IL17RC: variants seen among roughly 807,000 people sequenced by gnomAD.
IL17RC encodes the protein interleukin-17 receptor C.
In IL17RC, 53 loss-of-function variants were observed where a neutral mutation model predicts 86.7. The observed-to-expected ratio is 0.61, with a 90% CI of 0.49 to 0.77. The LOEUF (loss-of-function observed/expected upper bound fraction) is 0.77. IL17RC is among the 30% of genes least tolerant of loss of function. The probability of loss-of-function intolerance (pLI) is 0.00; values close to 1 mark genes in which losing one functional copy is unlikely to be tolerated. For missense variants in IL17RC, 957 were observed against 940.0 expected (o/e 1.02, Z -0.24); for synonymous variants, 439 against 413.1 (o/e 1.06, Z -0.76).
chr3:9,932,204 G>A (rs1024708161), intron 16 of IL17RC, among the ~76,000 whole-genome samples: 5 of 152,074 alleles, frequency 3.3e-5, no homozygotes, highest in African/African-American at 7.2e-5. Flanking sequence ...TGGACTCTGG[G>A]CAAATCATTT....
At chr3:9,931,652 G>A (rs921386767) in intron 16 of IL17RC, among the ~76,000 whole-genome samples, 4 of 151,442 alleles carry the variant, frequency 2.6e-5, no homozygotes, top group Non-Finnish European at 5.9e-5. Flanking sequence ...ATTAATAGGC[G>A]CCTGCCACCA....
At chr3:9,932,500 A>C in intron 16 of IL17RC, 108 bp from the exon 17 acceptor site, 1 of 995,024 alleles carries the variant, frequency 1.0e-6, no homozygotes, top group Non-Finnish European at 1.6e-6. Flanking sequence ...TGCTGGGATT[A>C]TATAAAGGCA....
At chr3:9,921,891 C>T (rs1254253795) in intron 7 of IL17RC, among the ~76,000 whole-genome samples, 21 of 149,182 alleles carry the variant, frequency 1.4e-4, no homozygotes, top group African/African-American at 4.5e-4. Context: ...TCCCAAAGTG[C>T]TGGGATTACA....
At position 9,933,481 on chromosome 3, in the gene IL17RC, T is replaced by C; in HGVS notation, c.2051T>C (p.Val684Ala). The change falls in exon 19 of 19, where the codon GTG (valine) becomes GCG (alanine). Residue 684 changes from valine (V) to alanine (A), a missense_variant. Val to Ala is a moderately conservative substitution (Grantham distance 64, BLOSUM62 0). Transcript: ENST00000403601. ...CGGCTCCAAGAGAGAGCGGAGCAAG[T>C]GTCCCGGGCCCTTCAGCCAGCCCTG... ...SGRLQERAEQ[V>A]SRALQPALDS... is the part of the protein sequence containing the mutation. 1 of 1,612,360 alleles carries C rather than the reference T, an allele frequency of 6.2e-7. No individual in the cohort carries two copies. Among genetic ancestry groups the C allele is most frequent in the South Asian group, 1.1e-5 (1 of 90,872 alleles).
intron 6 of IL17RC, 106 bp downstream of exon 6, chr3:9,920,708 G>A: frequency 1.2e-6 from 1 of 848,346 alleles, no homozygotes; most frequent in Non-Finnish European, 1.9e-6. Context: ...GCAGGGGTCT[G>A]AGCTGCTATC....
rs756459567 is a variant in IL17RC, at chr3:9,918,041, C to G, written c.246C>G (p.Leu82=). 1.4e-5 allele frequency: 22 copies of G among 1,600,628 alleles called. No homozygotes were observed. In the South Asian group the frequency reaches 2.5e-4, roughly 18 times the overall value. ...LRCQKETDCD[L]CLRVAVHLAV... ...GCCAGAAGGAGACCGACTGTGACCT[C>G]TGTCTGCGTGTGGCTGTCCACTTGG... Residue 82 remains leucine, a synonymous_variant, in exon 3 of 19, where the codon CTC becomes CTG. Coordinates refer to ENST00000403601, the MANE Select transcript of IL17RC (RefSeq NM_153460.4).
chr3:9,920,910 G>T lies in IL17RC; in HGVS notation c.578-15G>T. On this transcript the variant is annotated splice_polypyrimidine_tract_variant and intron_variant, in intron 6 of 18. Transcript: ENST00000403601. ...CCCCAGCCCCACTGGAGGCTCTTCT[G>T]TGATCTCTCCTCAGACTGCAGGGGG... 1.2e-6 allele frequency: 2 copies of T among 1,607,962 alleles called. No individual in the cohort carries two copies. Among genetic ancestry groups the T allele is most frequent in the Non-Finnish European group, 1.7e-6 (2 of 1,178,038 alleles).
At chr3:9,926,279 G>A (rs1213987898) in intron 9 of IL17RC, among the ~76,000 whole-genome samples, 3 of 151,886 alleles carry the variant, frequency 2.0e-5, no homozygotes, top group Admixed American at 6.6e-5. Context: ...TGATCCACCC[G>A]CCTCGGCCGC....
At position 9,930,244 on chromosome 3, in the gene IL17RC, G is replaced by A. The variant is rs575722913; in HGVS notation, c.1278+95G>A. 5 of 1,563,074 alleles carry A rather than the reference G, an allele frequency of 3.2e-6. No individual in the cohort carries two copies. Among genetic ancestry groups the A allele is most frequent in the Admixed American group, 3.4e-5 (2 of 58,534 alleles). On this transcript the variant is annotated intron_variant, in intron 14 of 18. Coordinates refer to ENST00000403601, the MANE Select transcript of IL17RC (RefSeq NM_153460.4). The surrounding 1 kb of genome is among the most constrained non-coding windows in gnomAD (Gnocchi z 5.8). ...TCCATCCACCCTGTGCCGGTCTCTG[G>A]GAACATGGGGGGTGACTCAGACCAG...
intron 9 of IL17RC, among the ~76,000 whole-genome samples, chr3:9,926,967 A>G (rs899444982): frequency 6.6e-6 from 1 of 152,156 alleles, no homozygotes; most frequent in Non-Finnish European, 1.5e-5. Context: ...TCACTGTTGA[A>G]TGAGTGAATA....
At chr3:9,923,468 G>A (rs984341744) in intron 7 of IL17RC, among the ~76,000 whole-genome samples, 8 of 151,332 alleles carry the variant, frequency 5.3e-5, no homozygotes, top group Non-Finnish European at 8.8e-5. Flanking sequence ...CAAGAGAATC[G>A]CTTGAACCCA....
chr3:9,918,509 A>G lies in IL17RC; in HGVS notation c.365A>G (p.Gln122Arg). ...GVEEPRNASL[Q>R]AQVVLSFQAY... ...GCCCTGTTGCCCACAGCCTCTCTCCAGGCCCAAGTCGTGCTCTCCTTCCAG... is the reference window on the plus strand; with the variant it reads ...GCCCTGTTGCCCACAGCCTCTCTCCGGGCCCAAGTCGTGCTCTCCTTCCAG... The change falls in exon 5 of 19, where the codon CAG becomes CGG. Residue 122 changes from glutamine (Q) to arginine (R), a missense_variant. Coordinates refer to ENST00000403601, the MANE Select transcript of IL17RC (RefSeq NM_153460.4). 1.9e-6 allele frequency: 3 copies of G among 1,614,074 alleles called. No individual in the cohort carries two copies. Among genetic ancestry groups the G allele is most frequent in the Non-Finnish European group, 2.5e-6 (3 of 1,179,970 alleles).
chr3:9,917,177 GC>G lies in IL17RC; in HGVS notation c.-134del. On this transcript the variant is annotated 5_prime_UTR_variant, in exon 1 of 19. Transcript: ENST00000403601. ...GAGAGTGCACAAACTACCCAGCACA[GC>G]CCCCTCCGCCCCCTCTGGAGGCTGA... 4.6e-6 allele frequency: 3 copies of G among 649,494 alleles called. No homozygotes were observed. The highest frequency in any genetic ancestry group is 5.3e-6 in the Non-Finnish European group (2 of 375,966). 40.2% of individuals were successfully genotyped at this position (649,494 alleles called of 1,614,324 possible).
At chr3:9,921,583 A>G (rs2083554994) in intron 7 of IL17RC, among the ~76,000 whole-genome samples, 2 of 152,034 alleles carry the variant, frequency 1.3e-5, no homozygotes, top group Admixed American at 1.3e-4. Context: ...TTTATTGTGT[A>G]TAACATACAT....
chr3:9,917,847 C>G (rs753653836), intron 2 of IL17RC, 76 bp from the exon 3 acceptor site: 7 of 1,609,492 alleles, frequency 4.3e-6, no homozygotes, highest in Non-Finnish European at 5.9e-6. Flanking sequence ...AGTTCTTTGG[C>G]TCTCTGGGTA....
intron 6 of IL17RC, 75 bp from the exon 7 acceptor site, chr3:9,920,850 C>T (rs2083479466): frequency 7.6e-7 from 1 of 1,309,172 alleles, no homozygotes; most frequent in South Asian, 1.3e-5. Context: ...TAATGCCCCC[C>T]TGGGAGCCAA....
chr3:9,924,045 C>T (rs1231214643), intron 8 of IL17RC, 25 bp downstream of exon 8: 1 of 1,612,524 alleles, frequency 6.2e-7, no homozygotes, highest in Non-Finnish European at 8.5e-7. Flanking sequence ...TTCCCAAGTC[C>T]ATTCCCACTG....
chr3:9,919,618 C>G (rs1244792204), intron 5 of IL17RC, among the ~76,000 whole-genome samples: 1 of 152,050 alleles, frequency 6.6e-6, no homozygotes, highest in African/African-American at 2.4e-5. Context: ...TGCACTCCAG[C>G]CTGGGCGACA....
chr3:9,925,929 G>A (rs1203574360), intron 9 of IL17RC, among the ~76,000 whole-genome samples: 2 of 148,024 alleles, frequency 1.4e-5, no homozygotes, highest in Non-Finnish European at 1.5e-5. Flanking sequence ...GCATGAACAC[G>A]TCTCATTGCA....
Sources: allele counts gnomAD v4.1 joint callset (sites outside exome capture counted in the v4.1 genomes callset), GRCh38; gene constraint gnomAD v4.1.1; non-coding constraint Gnocchi (gnomAD v3.1); transcripts MANE v1.5; gene names NCBI Gene and HGNC (gene_info 2026-07-23, HGNC 2026-07-21).